Variants in CIT observed in about 807,000 individuals in gnomAD.
CIT encodes the protein citron Rho-interacting kinase.
In CIT, 79 loss-of-function variants were observed where a neutral mutation model predicts 272.7. The ratio of observed to expected loss-of-function variants is 0.29; its 90% CI spans 0.24 to 0.35. The LOEUF is 0.35. Among genes scored for constraint, CIT ranks in the 10% least tolerant of loss-of-function variants. The pLI is 1.00. For synonymous variants in CIT, 948 were observed against 995.6 expected (o/e 0.95, Z 0.90); for missense variants, 1,909 against 2,618.3 (o/e 0.73, Z 5.91).
At chr12:119,746,522 T>TA (rs1959438069) in intron 23 of CIT, among the ~76,000 whole-genome samples, 1 of 152,208 alleles carries the variant, frequency 6.6e-6, no homozygotes, top group Admixed American at 6.5e-5. Context: ...GTGGTGACCA[T>TA]AAAAAAGCTC....
At chr12:119,817,608 G>A (rs1967312506) in intron 9 of CIT, among the ~76,000 whole-genome samples, 1 of 152,144 alleles carries the variant, frequency 6.6e-6, no homozygotes, top group South Asian at 2.1e-4. Flanking sequence ...AATTTAACAG[G>A]ACTACAGCTC....
intron 21 of CIT, among the ~76,000 whole-genome samples, chr12:119,757,773 G>A (rs1353736898): frequency 6.6e-6 from 1 of 152,044 alleles, no homozygotes; most frequent in Non-Finnish European, 1.5e-5. Context: ...CTCACATATG[G>A]GATTAAGTAA....
chr12:119,751,588 G>A (rs1250865631), intron 23 of CIT, among the ~76,000 whole-genome samples: 1 of 141,090 alleles, frequency 7.1e-6, no homozygotes. Flanking sequence ...ACAAAAGACA[G>A]GAAGCAGAAT....
chr12:119,757,272 A>G (rs1327888174), intron 22 of CIT, 99 bp downstream of exon 22: 4 of 1,456,354 alleles, frequency 2.7e-6, no homozygotes, highest in South Asian at 1.3e-5. Flanking sequence ...ACCAAGCACA[A>G]TGTCTCTTGT....
intron 5 of CIT, among the ~76,000 whole-genome samples, chr12:119,843,703 A>C (rs1385932595): frequency 6.6e-6 from 1 of 151,926 alleles, no homozygotes; most frequent in Admixed American, 6.6e-5. Context: ...CCAGCTACTC[A>C]GGAGGCTGAG....
chr12:119,838,642 C>T (rs898305806), intron 5 of CIT, among the ~76,000 whole-genome samples: 1 of 152,200 alleles, frequency 6.6e-6, no homozygotes, highest in Admixed American at 6.5e-5. Context: ...GTTTCCATAG[C>T]AGCAATGCCC....
rs1392702834 is a variant in CIT at position 119,803,222 on chromosome 12, T to C, written c.1279A>G (p.Ile427Val). The C allele has an allele frequency of 7.0e-7, 1 of 1,425,478 alleles. No homozygotes were observed. The highest frequency in any genetic ancestry group is 9.3e-7 in the Non-Finnish European group (1 of 1,076,866). 88.3% of individuals were successfully genotyped at this position (1,425,478 alleles called of 1,614,324 possible). The change falls in exon 10 of 48, where the codon ATT becomes GTT. Residue 427 changes from isoleucine (I) to valine (V), a missense_variant. Ile to Val is a conservative substitution (Grantham distance 29). Around this residue, in one of 8 missense-constraint regions of CIT, gnomAD observed 529 missense variants for 549.6 expected, o/e 0.96. Coordinates refer to ENST00000392521, the MANE Select transcript of CIT (RefSeq NM_001206999.2). ...TTCACTTACTCAGATCTACCAAGAATCCCCAGTGCCTTGCTGTACGAAAAC... is the reference window on the plus strand; with the variant it reads ...TTCACTTACTCAGATCTACCAAGAACCCCCAGTGCCTTGCTGTACGAAAAC... ...VGFSYSKALG[I>V]LGRSESVVSG...
In CIT at chr12:119,784,449, C is replaced by T; in HGVS notation, c.1402-398G>A. 2 of 1,203,468 alleles carry T rather than the reference C, an allele frequency of 1.7e-6. No homozygotes were observed. The highest frequency in any genetic ancestry group is 3.1e-5 in the South Asian group (2 of 64,000). The allele number at this position is 1,203,468 out of a possible 1,614,324, so 74.5% of individuals were successfully genotyped here. A position where few individuals can be genotyped will look rare whatever the true frequency, so the allele number is the denominator to read the frequency against. On this transcript the variant is annotated intron_variant, in intron 11 of 47. Transcript: ENST00000392521. This position sits in a 1 kb window ranked among gnomAD's most constrained non-coding sequence, Gnocchi z 4.7. ...TCTAGAGGACAAATCCAGGACAGGG[C>T]AAGGAGATATTTATTCGTCTGCACT...
intron 40 of CIT, 77 bp from the exon 41 acceptor site, chr12:119,704,532 C>A: frequency 7.9e-7 from 1 of 1,269,680 alleles, no homozygotes; most frequent in South Asian, 1.2e-5. Context: ...GAAAAGCTCT[C>A]AGGCTCAGCG....
chr12:119,822,920 C>A lies in CIT; in HGVS notation c.1011G>T (p.Leu337=), dbSNP rs148991309. The A allele has an allele frequency of 1.6e-4, 260 of 1,613,974 alleles. No homozygotes were observed. The highest frequency in any genetic ancestry group is 2.0e-4 in the Non-Finnish European group (239 of 1,180,022). Residue 337 remains leucine, a synonymous_variant, in exon 9 of 48, where the codon CTG becomes CTT. Transcript: ENST00000392521. ...TCTGGCCGCACAACAAGCTTTGAAT[C>A]AGATCAAGAAAGTCACTGCTCACTT... ...DPKVSSDFLD[L]IQSLLCGQKE... is the part of the protein sequence containing the mutation.
At chr12:119,844,381 C>G (rs1039155183) in intron 5 of CIT, among the ~76,000 whole-genome samples, 1 of 151,980 alleles carries the variant, frequency 6.6e-6, no homozygotes, top group Admixed American at 6.6e-5. Flanking sequence ...ACCTTGTAAT[C>G]AAACACACTC....
chr12:119,749,356 G>A (rs1456574000), intron 23 of CIT, among the ~76,000 whole-genome samples: 1 of 152,196 alleles, frequency 6.6e-6, no homozygotes, highest in Non-Finnish European at 1.5e-5. Context: ...CTTGTGCAGG[G>A]TCTCCACTCA....
rs1956760781 is a variant in CIT, at chr12:119,704,374, A to G, written c.5293T>C (p.Cys1765Arg). The G allele has an allele frequency of 1.9e-6, 3 of 1,613,980 alleles. No individual in the cohort carries two copies. Among genetic ancestry groups the G allele is most frequent in the Non-Finnish European group, 2.5e-6 (3 of 1,179,846 alleles). Reference protein sequence around the residue: ...LRYNENLSKYCIRKEIETSEP... With the variant: ...LRYNENLSKYRIRKEIETSEP... Reference sequence around the variant, plus strand: ...GGCCCAGGACTTACTTTCCGGATGCAGTATTTGCTGAGGTTTTCGTTGTAG... The same window carrying G: ...GGCCCAGGACTTACTTTCCGGATGCGGTATTTGCTGAGGTTTTCGTTGTAG... The change falls in exon 41 of 48, where the codon TGC becomes CGC. Residue 1765 changes from cysteine (C) to arginine (R), a missense_variant. Transcript: ENST00000392521.
intron 5 of CIT, among the ~76,000 whole-genome samples, chr12:119,845,737 G>A (rs1969754382): frequency 6.6e-6 from 1 of 151,390 alleles, no homozygotes; most frequent in Admixed American, 6.6e-5. Context: ...GGATCACAAG[G>A]TCAGGAGTTC....
intron 22 of CIT, among the ~76,000 whole-genome samples, 167 bp downstream of exon 22, chr12:119,757,204 G>C (rs1335968480): frequency 6.6e-6 from 1 of 151,696 alleles, no homozygotes; most frequent in East Asian, 1.9e-4. Flanking sequence ...GCATGAATTG[G>C]CCTTAGGTTC....
At chr12:119,842,006 GA>G (rs1969443106) in intron 5 of CIT, among the ~76,000 whole-genome samples, 1 of 152,200 alleles carries the variant, frequency 6.6e-6, no homozygotes, top group Admixed American at 6.5e-5. Context: ...TTAGAACATG[GA>G]AAAGAAGTTC....
At chr12:119,716,597 T>A (rs1957500639) in intron 32 of CIT, among the ~76,000 whole-genome samples, 1 of 152,028 alleles carries the variant, frequency 6.6e-6, no homozygotes, top group Non-Finnish European at 1.5e-5. Flanking sequence ...CCAAACAGCT[T>A]CCTTGGCCTT....
chr12:119,811,924 T>A (rs891167294), intron 9 of CIT, among the ~76,000 whole-genome samples: 38 of 151,124 alleles, frequency 2.5e-4, no homozygotes, highest in African/African-American at 9.2e-4. Context: ...TTTTTCACCC[T>A]GGTGGATATT....
chr12:119,726,227 T>C (rs531734011), intron 28 of CIT, among the ~76,000 whole-genome samples: 1 of 152,054 alleles, frequency 6.6e-6, no homozygotes, highest in East Asian at 1.9e-4. Flanking sequence ...TAATTTTTAA[T>C]TTTTATTTTG....
Sources: allele counts gnomAD v4.1 joint callset (sites outside exome capture counted in the v4.1 genomes callset), GRCh38; gene constraint gnomAD v4.1.1; regional missense constraint gnomAD v4.1.1; non-coding constraint Gnocchi (gnomAD v3.1); transcripts MANE v1.5; gene names NCBI Gene and HGNC (gene_info 2026-07-23, HGNC 2026-07-21).